CNTRL: variants seen among roughly 807,000 people sequenced by gnomAD.
CNTRL encodes 110 kDa centrosomal protein.
In CNTRL, 233 loss-of-function variants were observed where a neutral mutation model predicts 303.7. That is an observed-to-expected ratio of 0.77 (90% CI 0.69 to 0.86). CNTRL has a LOEUF of 0.86. Ranked by LOEUF, CNTRL falls within the 40% of genes least tolerant of loss-of-function variation. The probability of loss-of-function intolerance (pLI) is 0.00; values close to 1 mark genes in which losing one functional copy is unlikely to be tolerated. For missense variants in CNTRL, 2,524 were observed against 2,650.6 expected, an observed-to-expected ratio of 0.95 and a Z score of 1.05; for synonymous variants, 900 against 922.2, an observed-to-expected ratio of 0.98 and a Z score of 0.44.
chr9:121,144,392 A>C (rs982593594), intron 20 of CNTRL, among the ~76,000 whole-genome samples: 1 of 152,190 alleles, frequency 6.6e-6, no homozygotes, highest in African/African-American at 2.4e-5. Context: ...AGGGTTCCTG[A>C]AGGATTGTTA....
chr9:121,136,601 G>A (rs1200228562), intron 15 of CNTRL, among the ~76,000 whole-genome samples: 4 of 152,140 alleles, frequency 2.6e-5, no homozygotes, highest in African/African-American at 7.2e-5. Flanking sequence ...ATGGGCCACC[G>A]TGCCTGGCCG....
rs1219580655 is a variant in CNTRL, at chr9:121,080,389, C to T, written c.-121C>T. The T allele has an allele frequency of 6.6e-6, 1 of 152,168 alleles. No individual in the cohort carries two copies. The highest frequency in any genetic ancestry group is 1.9e-4 in the East Asian group (1 of 5,192). 9.4% of individuals were successfully genotyped at this position (152,168 alleles called of 1,614,324 possible). A position where few individuals can be genotyped will look rare whatever the true frequency, so the allele number is the denominator to read the frequency against. On this transcript the variant is annotated 5_prime_UTR_variant, in exon 2 of 44. Transcript: ENST00000373855. Reference sequence around the variant, plus strand: ...CATAGCACATTGTAGCCTGGAGCTCCTGGGATCAAGCAATCCTCCTGCCTC... The same window carrying T: ...CATAGCACATTGTAGCCTGGAGCTCTTGGGATCAAGCAATCCTCCTGCCTC...
chr9:121,128,644 A>C (rs548579075), intron 14 of CNTRL, among the ~76,000 whole-genome samples: 2 of 152,216 alleles, frequency 1.3e-5, no homozygotes, highest in South Asian at 4.1e-4. Context: ...TCTTTGGTTT[A>C]ATTAGATCCC....
chr9:121,164,018 C>T (rs1326331380), intron 34 of CNTRL, among the ~76,000 whole-genome samples: 1 of 152,062 alleles, frequency 6.6e-6, no homozygotes, highest in Non-Finnish European at 1.5e-5. Flanking sequence ...GCACCCGTCA[C>T]CACGCCTGGC....
At chr9:121,089,379 C>G (rs889790063) in intron 3 of CNTRL, among the ~76,000 whole-genome samples, 16 of 152,036 alleles carry the variant, frequency 1.1e-4, no homozygotes, top group African/African-American at 3.9e-4. Context: ...TGGATCTCAA[C>G]CCAGGATTAA....
intron 40 of CNTRL, 71 bp downstream of exon 40, chr9:121,171,619 G>GT (rs1564306976): frequency 1.4e-6 from 2 of 1,478,634 alleles, no homozygotes; most frequent in Non-Finnish European, 1.8e-6. Flanking sequence ...AGATTGTATT[G>GT]TTTTTAATAT....
rs773374284 is a variant in CNTRL, at chr9:121,168,125, A to G, written c.5874A>G (p.Glu1958=). 22 of 1,613,370 alleles carry G rather than the reference A, an allele frequency of 1.4e-5. No homozygotes were observed. The highest frequency in any genetic ancestry group is 1.9e-5 in the Non-Finnish European group (22 of 1,179,980). The part of the protein sequence containing the change: ...MMFQRLQKER[E]SEESKLETSK... ...TTCAGAGACTCCAGAAAGAGAGAGA[A>G]AGTGAAGAAAGCAAATTAGAAACCA... Residue 1958 remains glutamate (E), a synonymous_variant, in exon 38 of 44, where the codon GAA becomes GAG. Transcript: ENST00000373855.
chr9:121,117,830 T>A (rs942118735), intron 11 of CNTRL, among the ~76,000 whole-genome samples: 4 of 151,874 alleles, frequency 2.6e-5, no homozygotes, highest in African/African-American at 9.7e-5. Flanking sequence ...ATACAAAAAA[T>A]TAGCTGGGCG....
At position 121,177,475 on chromosome 9, in the gene CNTRL, A is replaced by G. The variant is rs970662610; in HGVS notation, c.*289A>G. On this transcript the variant is annotated 3_prime_UTR_variant, in exon 44 of 44. Coordinates refer to ENST00000373855, the MANE Select transcript of CNTRL (RefSeq NM_007018.6). ...AAAAAAAAACAGTGATTTTAACTGC[A>G]TATTTGAACCTACAAACTGGTAAAT... 4 of 345,044 alleles carry G rather than the reference A, an allele frequency of 1.2e-5. No individual in the cohort carries two copies. The highest frequency in any genetic ancestry group is 4.8e-5 in the Admixed American group (1 of 20,814). 21.4% of individuals were successfully genotyped at this position (345,044 alleles called of 1,614,324 possible).
intron 7 of CNTRL, among the ~76,000 whole-genome samples, chr9:121,100,983 G>A (rs1486099171): frequency 6.6e-6 from 1 of 150,832 alleles, no homozygotes; most frequent in Non-Finnish European, 1.5e-5. Flanking sequence ...ACCCCCCACT[G>A]TCAATGTTAG....
intron 3 of CNTRL, among the ~76,000 whole-genome samples, chr9:121,089,258 A>G (rs1265564498): frequency 2.6e-5 from 4 of 152,184 alleles, no homozygotes; most frequent in Non-Finnish European, 5.9e-5. Flanking sequence ...ATATTAATCA[A>G]TTTTCTTTCC....
Position 121,098,578 on chromosome 9 carries a change from AT to A in CNTRL, c.808+8del. 1 of 1,546,834 alleles carries A rather than the reference AT, an allele frequency of 6.5e-7. No individual in the cohort carries two copies. The highest frequency in any genetic ancestry group is 8.7e-7 in the Non-Finnish European group (1 of 1,146,962). On this transcript the variant is annotated splice_region_variant and intron_variant, in intron 7 of 43. Transcript: ENST00000373855. ...TTTTGAGAGATTCAGTTTAGGTAAG[AT>A]TAAATTTAAAAAATAATAAATTTGG...
chr9:121,143,583 G>A (rs1477139959), intron 19 of CNTRL, among the ~76,000 whole-genome samples: 2 of 152,142 alleles, frequency 1.3e-5, no homozygotes, highest in African/African-American at 2.4e-5. Context: ...AAATTCTTGT[G>A]CCACCATCCT....
chr9:121,143,807 C>T, intron 19 of CNTRL, 96 bp from the exon 20 acceptor site: 1 of 842,332 alleles, frequency 1.2e-6, no homozygotes, highest in Non-Finnish European at 1.9e-6. Context: ...TTGTTCTAGG[C>T]AGCAGTGAAC....
intron 11 of CNTRL, among the ~76,000 whole-genome samples, chr9:121,115,932 T>G (rs2049954902): frequency 6.6e-6 from 1 of 152,188 alleles, no homozygotes; most frequent in African/African-American, 2.4e-5. Flanking sequence ...CTCAAGTTTA[T>G]TGGAACCTTA....
intron 14 of CNTRL, among the ~76,000 whole-genome samples, chr9:121,133,700 A>G (rs897590849): frequency 1.3e-5 from 2 of 152,204 alleles, no homozygotes; most frequent in African/African-American, 4.8e-5. Flanking sequence ...CAGGTACCTC[A>G]GTTGGAAATG....
At chr9:121,130,409 T>G (rs187197498) in intron 14 of CNTRL, among the ~76,000 whole-genome samples, 38 of 152,360 alleles carry the variant, frequency 2.5e-4, no homozygotes, top group Admixed American at 9.8e-4. Flanking sequence ...TTTTCTAGTT[T>G]ATTTGCATAA....
chr9:121,079,202 G>A (rs1423462596), intron 1 of CNTRL, among the ~76,000 whole-genome samples: 1 of 152,180 alleles, frequency 6.6e-6, no homozygotes, highest in African/African-American at 2.4e-5. Flanking sequence ...GCAAAATTGT[G>A]TTATAAGGCA....
At chr9:121,101,754 C>G (rs1321275823) in intron 7 of CNTRL, among the ~76,000 whole-genome samples, 2 of 152,188 alleles carry the variant, frequency 1.3e-5, no homozygotes, top group Non-Finnish European at 2.9e-5. Flanking sequence ...AAACTATCAT[C>G]AGACAATACT....
Sources: allele counts gnomAD v4.1 joint callset (sites outside exome capture counted in the v4.1 genomes callset), GRCh38; gene constraint gnomAD v4.1.1; transcripts MANE v1.5; gene names NCBI Gene and HGNC (gene_info 2026-07-23, HGNC 2026-07-21).